SSBP3: variants seen among roughly 807,000 people sequenced by gnomAD.
SSBP3 encodes the protein single-stranded DNA-binding protein 3.
SSBP3 carries 5 observed loss-of-function variants against 69.6 expected under a neutral mutation model. The ratio of observed to expected loss-of-function variants is 0.07; its 90% CI spans 0.04 to 0.15. The LOEUF (loss-of-function observed/expected upper bound fraction) is 0.15. SSBP3 is among the 10% of genes least tolerant of loss of function. The probability of loss-of-function intolerance (pLI) is 1.00; values close to 1 mark genes in which losing one functional copy is unlikely to be tolerated. For synonymous variants in SSBP3, 196 were observed against 193.4 expected, an observed-to-expected ratio of 1.01 and a Z score of -0.11; for missense variants, 312 against 534.0, an observed-to-expected ratio of 0.58 and a Z score of 4.10.
chr1:54,263,390 C>T (rs1403418389), intron 5 of SSBP3, among the ~76,000 whole-genome samples: 2 of 152,186 alleles, frequency 1.3e-5, no homozygotes, highest in African/African-American at 4.8e-5. Flanking sequence ...CCAATCCCAG[C>T]TCCTCCGGTT....
intron 5 of SSBP3, among the ~76,000 whole-genome samples, chr1:54,279,897 T>C (rs912957607): frequency 6.6e-6 from 1 of 152,162 alleles, no homozygotes; most frequent in Non-Finnish European, 1.5e-5. Flanking sequence ...CCATCTTTAA[T>C]ATGTCTGCAG....
chr1:54,238,562 AG>A (rs1380243701), intron 14 of SSBP3: 91 of 347,256 alleles, frequency 2.6e-4, no homozygotes, highest in African/African-American at 1.5e-3. Context: ...GGGACACAGG[AG>A]GAAGTGGGGC....
chr1:54,228,724 A>G (rs1570174562), intron 15 of SSBP3, 24 bp downstream of exon 15: 1 of 1,569,478 alleles, frequency 6.4e-7, no homozygotes, highest in South Asian at 1.2e-5. Flanking sequence ...AGGGTGGGGC[A>G]TGGCGAGGGC....
intron 10 of SSBP3, chr1:54,242,977 C>A (rs1644667329): frequency 2.3e-6 from 1 of 437,490 alleles, no homozygotes; most frequent in Non-Finnish European, 4.0e-6. Context: ...AAATAAAAAT[C>A]ATCGCGTCAT....
chr1:54,241,069 CGCTATTCATCTT>C, intron 12 of SSBP3, 110 bp from the exon 13 acceptor site: 1 of 1,176,838 alleles, frequency 8.5e-7, no homozygotes, highest in South Asian at 1.5e-5. Flanking sequence ...CAGGCCCAGC[CGCTATTCATCTT>C]GCTACACCCC....
At chr1:54,310,675 A>G (rs1645985707) in intron 4 of SSBP3, among the ~76,000 whole-genome samples, 1 of 142,484 alleles carries the variant, frequency 7.0e-6, no homozygotes, top group Admixed American at 6.9e-5. Flanking sequence ...CCAGGGCAAG[A>G]GCAAGAGCTA....
Position 54,289,028 on chromosome 1 carries a change from A to AAAAC in SSBP3, c.277-7502_277-7501insGTTT, listed in dbSNP as rs1243978609. Among the ~76,000 whole-genome samples, 35 of 74,554 alleles carry AAAAC rather than the reference A, an allele frequency of 4.7e-4. No homozygotes were observed. In the South Asian group the frequency reaches 5.8e-3, roughly 12 times the overall value. 48.9% of individuals were successfully genotyped at this position (74,554 alleles called of 152,430 possible). A position where few individuals can be genotyped will look rare whatever the true frequency, so the allele number is the denominator to read the frequency against. ...GAGCTAGACTCTGTCTCCAAAAAAA[A>AAAAC]AAAAAAAACAAAAAAACAAAAAAAA... On this transcript the variant is annotated intron_variant, in intron 4 of 17. Coordinates refer to ENST00000610401, the Ensembl canonical transcript of SSBP3.
chr1:54,263,402 A>C (rs1223692852), intron 5 of SSBP3, among the ~76,000 whole-genome samples: 1 of 152,196 alleles, frequency 6.6e-6, no homozygotes, highest in Admixed American at 6.5e-5. Flanking sequence ...CCTCCGGTTC[A>C]TTCGGAGTCC....
At chr1:54,237,695 T>C (rs1390834961) in intron 14 of SSBP3, 1 of 159,504 alleles carries the variant, frequency 6.3e-6, no homozygotes, top group East Asian at 1.8e-4. Flanking sequence ...CGTTCTCATT[T>C]TCATCATCTG....
chr1:54,278,532 T>C (rs1225708045), intron 5 of SSBP3, among the ~76,000 whole-genome samples: 4 of 152,180 alleles, frequency 2.6e-5, no homozygotes, highest in Admixed American at 6.5e-5. Context: ...AGCTGAAGCC[T>C]GGCAGTCAGA....
chr1:54,373,274 G>C (rs1647165404), intron 4 of SSBP3, among the ~76,000 whole-genome samples: 1 of 152,152 alleles, frequency 6.6e-6, no homozygotes, highest in African/African-American at 2.4e-5. Context: ...ATTTTCAACA[G>C]CCTCTGGGGC....
At chr1:54,233,208 T>A (rs1258770011) in intron 14 of SSBP3, among the ~76,000 whole-genome samples, 1 of 148,038 alleles carries the variant, frequency 6.8e-6, no homozygotes, top group Admixed American at 6.7e-5. Context: ...TCGTCTGAGA[T>A]GTGGGGAGCG....
intron 5 of SSBP3, among the ~76,000 whole-genome samples, chr1:54,276,448 T>A (rs916642224): frequency 1.3e-5 from 2 of 151,342 alleles, no homozygotes; most frequent in African/African-American, 4.9e-5. Context: ...CCATCTCTAC[T>A]AAAAATACAA....
intron 4 of SSBP3, among the ~76,000 whole-genome samples, chr1:54,376,191 GGTGT>G (rs145081564): frequency 2.5e-4 from 37 of 150,728 alleles, no homozygotes; most frequent in East Asian, 1.6e-3. Context: ...TGCATGCGTG[GGTGT>G]GTGTGTGTGT....
intron 7 of SSBP3, among the ~76,000 whole-genome samples, chr1:54,253,180 TTTTTAGTTTTTG>T (rs1362735812): frequency 6.7e-6 from 1 of 149,658 alleles, no homozygotes; most frequent in Non-Finnish European, 1.5e-5. Flanking sequence ...TTTTGTTTTT[TTTTTAGTTTTTG>T]TTTTTTTTTT....
intron 4 of SSBP3, among the ~76,000 whole-genome samples, chr1:54,398,889 A>G (rs74531330): frequency 3.0e-4 from 46 of 152,258 alleles, no homozygotes; most frequent in South Asian, 1.0e-3. Context: ...CAAACTCCCC[A>G]CACCCTGAGA....
chr1:54,275,623 C>A (rs943637348), intron 5 of SSBP3, among the ~76,000 whole-genome samples: 9 of 152,244 alleles, frequency 5.9e-5, no homozygotes, highest in Non-Finnish European at 1.2e-4. Context: ...GTGCCCAAGG[C>A]TCTCCACTGG....
intron 9 of SSBP3, among the ~76,000 whole-genome samples, chr1:54,245,312 A>T (rs1293767379): frequency 6.6e-6 from 1 of 152,120 alleles, no homozygotes; most frequent in African/African-American, 2.4e-5. Flanking sequence ...TCTGAGGGAG[A>T]AAGTTTTGCC....
At position 54,363,199 on chromosome 1, in the gene SSBP3, A is replaced by G. The variant is rs530404825; in HGVS notation, c.276+38662T>C. 6.4e-4 allele frequency among the ~76,000 whole-genome samples: 97 copies of G among 152,274 alleles called. 1 individual carries two copies. The highest frequency in any genetic ancestry group is 2.3e-3 in the African/African-American group (96 of 41,540). On this transcript the variant is annotated intron_variant, in intron 4 of 17. Coordinates refer to ENST00000610401, the Ensembl canonical transcript of SSBP3. The stretch of plus-strand genomic sequence containing the variant: ...CAGTTTCCAAGGGAAAATGACAGAC[A>G]CTGCTCATCACAGCCACATGAACTT...
Sources: allele counts gnomAD v4.1 joint callset (sites outside exome capture counted in the v4.1 genomes callset), GRCh38; gene constraint gnomAD v4.1.1; transcripts MANE v1.5; gene names NCBI Gene and HGNC (gene_info 2026-07-23, HGNC 2026-07-21).